The following PLD2 variants were observed in gnomAD, a reference collection of about 807,000 sequenced individuals.
PLD2 encodes choline phosphatase 2.
Under a neutral mutation model 119.8 loss-of-function variants are expected in PLD2, and 101 were observed. The observed-to-expected ratio is 0.84, with a 90% CI of 0.72 to 0.99. PLD2 has a LOEUF of 0.99. Ranked by LOEUF, PLD2 falls within the 50% of genes least tolerant of loss-of-function variation. The probability of loss-of-function intolerance (pLI) is 0.00; values close to 1 mark genes in which losing one functional copy is unlikely to be tolerated. For missense variants in PLD2, 1,164 were observed against 1,226.8 expected, an observed-to-expected ratio of 0.95 and a Z score of 0.76; for synonymous variants, 494 against 482.8, an observed-to-expected ratio of 1.02 and a Z score of -0.30.
intron 23 of PLD2, chr17:4,821,557 C>T: frequency 2.9e-6 from 1 of 346,604 alleles, no homozygotes; most frequent in Non-Finnish European, 5.4e-6. Flanking sequence ...CCGTGCCTGG[C>T]TAATTTTTGT....
In PLD2 at chr17:4,819,771, G is replaced by A. The variant is rs2150680238; in HGVS notation, c.2462+189G>A. Reference sequence around the variant, plus strand: ...CCAGCACTTTGGGAGGCCAAGGCGGGTGGATTGCCTGAGGTCAGGATTTTG... The same window carrying A: ...CCAGCACTTTGGGAGGCCAAGGCGGATGGATTGCCTGAGGTCAGGATTTTG... On this transcript the variant is annotated intron_variant, in intron 23 of 24. Transcript: ENST00000263088. The surrounding 1 kb of genome is among the most constrained non-coding windows in gnomAD (Gnocchi z 4.2). Among the ~76,000 whole-genome samples the A allele has an allele frequency of 6.6e-6, 1 of 151,966 alleles. No individual in the cohort carries two copies. Among genetic ancestry groups the A allele is most frequent in the Non-Finnish European group, 1.5e-5 (1 of 68,012 alleles).
intron 12 of PLD2, among the ~76,000 whole-genome samples, chr17:4,815,098 G>A (rs777199117): frequency 1.3e-5 from 2 of 152,110 alleles, no homozygotes; most frequent in Non-Finnish European, 2.9e-5. Context: ...GATGATGCAG[G>A]GTGGCTGGGC....
At position 4,808,082 on chromosome 17, in the gene PLD2, G is replaced by T. The variant is rs112526737; in HGVS notation, c.208G>T (p.Val70Leu). The stretch of plus-strand genomic sequence containing the variant: ...TGGGGTCCCTGTCACAGCCCAGGTG[G>T]TGGGCACCGAAAGATATACCAGCGG... The part of the protein sequence containing the change: ...APGVPVTAQV[V>L]GTERYTSGSK... Residue 70 changes from valine to leucine, a missense_variant, in exon 3 of 25, where the codon GTG (valine) becomes TTG (leucine). Coordinates refer to ENST00000263088, the MANE Select transcript of PLD2 (RefSeq NM_002663.5). The surrounding 1 kb of genome is among the most constrained non-coding windows in gnomAD (Gnocchi z 4.1). 2 of 1,611,914 alleles carry T rather than the reference G, an allele frequency of 1.2e-6. No individual in the cohort carries two copies. Among genetic ancestry groups the T allele is most frequent in the South Asian group, 2.2e-5 (2 of 91,012 alleles).
chr17:4,811,373 T>C (rs1906457996), intron 10 of PLD2, among the ~76,000 whole-genome samples: 1 of 147,512 alleles, frequency 6.8e-6, no homozygotes, highest in African/African-American at 2.5e-5. Context: ...GCCTCCCAGG[T>C]TCAAGCGATT....
At chr17:4,814,212 T>C (rs1053551351) in intron 10 of PLD2, 2 of 620,626 alleles carry the variant, frequency 3.2e-6, no homozygotes, top group Admixed American at 7.2e-5. Flanking sequence ...TTGATTAGGT[T>C]ATTGTGTCTT....
chr17:4,819,470 G>A lies in PLD2; in HGVS notation c.2350G>A (p.Asp784Asn), dbSNP rs752219225. The change falls in exon 23 of 25, where the codon GAC becomes AAC. Residue 784 changes from aspartate (D) to asparagine (N), a missense_variant. Physicochemically the swap from Asp to Asn is conservative, Grantham distance 23. Coordinates refer to ENST00000263088, the MANE Select transcript of PLD2 (RefSeq NM_002663.5). The surrounding 1 kb of genome is among the most constrained non-coding windows in gnomAD (Gnocchi z 4.2). ...INDRSLLGKR[D>N]SELAVLIEDT... ...TGACCGGAGCTTGCTGGGGAAGCGG[G>A]ACAGTGAGCTGGCCGTGCTGATCGA... The A allele has an allele frequency of 6.2e-7, 1 of 1,614,058 alleles. No individual in the cohort carries two copies. The highest frequency in any genetic ancestry group is 8.5e-7 in the Non-Finnish European group (1 of 1,179,996).
intron 24 of PLD2, 80 bp downstream of exon 24, chr17:4,821,987 C>T (rs1431105247): frequency 3.2e-5 from 27 of 856,900 alleles, no homozygotes; most frequent in Admixed American, 2.8e-4. Flanking sequence ...TGGAGAGAAG[C>T]GCCACCATAC....
Position 4,818,537 on chromosome 17 carries a change from C to A in PLD2, c.2053C>A (p.Pro685Thr). 6.2e-7 allele frequency: 1 copy of A among 1,613,998 alleles called. No homozygotes were observed. Among genetic ancestry groups the A allele is most frequent in the Non-Finnish European group, 8.5e-7 (1 of 1,179,950 alleles). Residue 685 changes from proline (P) to threonine (T), a missense_variant, in exon 20 of 25, where the codon CCT (proline) becomes ACT (threonine). By Grantham distance (38) the Pro-to-Thr change is conservative. Coordinates refer to ENST00000263088, the MANE Select transcript of PLD2 (RefSeq NM_002663.5). ...AGTCTACGTGCTTTTGCCCTTACTC[C>A]CTGGCTTCGAGGGTGACATCTCCAC... ...YRVYVLLPLL[P>T]GFEGDISTGG... is the part of the protein sequence containing the mutation.
In PLD2 at chr17:4,819,586, G is replaced by A; in HGVS notation, c.2462+4G>A. ...GTCTGCGGAAGCACTGCTTCGGGTA[G>A]AGCTGGGGCGGGATGCCACAGGGTG... On this transcript the variant is annotated splice_donor_region_variant and intron_variant, in intron 23 of 24. Coordinates refer to ENST00000263088, the MANE Select transcript of PLD2 (RefSeq NM_002663.5). This position sits in a 1 kb window ranked among gnomAD's most constrained non-coding sequence, Gnocchi z 4.2. The A allele has an allele frequency of 1.2e-6, 2 of 1,602,956 alleles. No homozygotes were observed. Among genetic ancestry groups the A allele is most frequent in the Non-Finnish European group, 1.7e-6 (2 of 1,173,382 alleles).
Position 4,807,717 on chromosome 17 carries a change from G to C in PLD2, c.-1-55G>C, listed in dbSNP as rs1597318016. The C allele has an allele frequency of 2.1e-6, 2 of 965,424 alleles. No homozygotes were observed. The highest frequency in any genetic ancestry group is 1.6e-5 in the African/African-American group (1 of 62,008). 59.8% of individuals were successfully genotyped at this position (965,424 alleles called of 1,614,324 possible). A position where few individuals can be genotyped will look rare whatever the true frequency, so the allele number is the denominator to read the frequency against. ...ATGGAGGACCTGCGGGAGTTAGGATGGGGGGCGGGTTCTGCAGGACAGCTC... is the reference window on the plus strand; with the variant it reads ...ATGGAGGACCTGCGGGAGTTAGGATCGGGGGCGGGTTCTGCAGGACAGCTC... On this transcript the variant is annotated intron_variant, in intron 1 of 24. Coordinates refer to ENST00000263088, the MANE Select transcript of PLD2 (RefSeq NM_002663.5). The surrounding 1 kb of genome is among the most constrained non-coding windows in gnomAD (Gnocchi z 5.4).
rs1342850053 is a variant in PLD2, at chr17:4,817,037, G to C, written c.1683G>C (p.Gln561His). ...GGGACCTTGCCCGGCACTTCATCCAGCGCTGGAACTTCACCAAGGTGTTCA... is the reference window on the plus strand; with the variant it reads ...GGGACCTTGCCCGGCACTTCATCCACCGCTGGAACTTCACCAAGGTGTTCA... Reference protein sequence around the residue: ...PARDLARHFIQRWNFTKTTKA... With the variant: ...PARDLARHFIHRWNFTKTTKA... Residue 561 changes from glutamine (Q) to histidine (H), a missense_variant, in exon 16 of 25, where the codon CAG becomes CAC. Gln to His is a conservative substitution (Grantham distance 24). Coordinates refer to ENST00000263088, the MANE Select transcript of PLD2 (RefSeq NM_002663.5). 1 of 1,613,788 alleles carries C rather than the reference G, an allele frequency of 6.2e-7. No homozygotes were observed. Among genetic ancestry groups the C allele is most frequent in the Non-Finnish European group, 8.5e-7 (1 of 1,179,760 alleles).
At chr17:4,814,346 C>T in intron 10 of PLD2, 72 bp from the exon 11 acceptor site, 2 of 1,549,092 alleles carry the variant, frequency 1.3e-6, no homozygotes, top group South Asian at 1.2e-5. Flanking sequence ...CCACGACTGT[C>T]CTCCGGTCTT....
intron 9 of PLD2, 122 bp from the exon 10 acceptor site, chr17:4,810,680 C>T (rs1024722751): frequency 7.7e-5 from 71 of 916,488 alleles, no homozygotes; most frequent in African/African-American, 2.7e-4. Context: ...GATACATACA[C>T]GCCCTATCCC....
In PLD2 at chr17:4,810,801, G is replaced by C. The variant is rs1416654337; in HGVS notation, c.861-1G>C. On this transcript the variant is annotated splice_acceptor_variant, in intron 9 of 24. Transcript: ENST00000263088. LOFTEE classifies it high-confidence loss of function. ...ATGGACATCTCATCGTTCCCATCCA[G>C]GTCCTTGATTCTCAAGTGCAGCAGC... 4 of 1,610,964 alleles carry C rather than the reference G, an allele frequency of 2.5e-6. No individual in the cohort carries two copies. Among genetic ancestry groups the C allele is most frequent in the Non-Finnish European group, 3.4e-6 (4 of 1,178,374 alleles).
rs1438913383 is a variant in PLD2 at position 4,818,990 on chromosome 17, CTA to C, written c.2174-92_2174-91del. On this transcript the variant is annotated intron_variant, in intron 21 of 24. Coordinates refer to ENST00000263088, the MANE Select transcript of PLD2 (RefSeq NM_002663.5). ...CAGGGAGAAGGAGAGAGACCAGACT[CTA>C]TGTAGGAAGAGTTTCTGGAGTGAGA... is the stretch of plus-strand genomic sequence containing the variant. 10 of 1,556,776 alleles carry C rather than the reference CTA, an allele frequency of 6.4e-6. No individual in the cohort carries two copies. The East Asian group carries it at 2.0e-4, about 31-fold the overall frequency.
chr17:4,810,275 T>C (rs538728908), intron 9 of PLD2, among the ~76,000 whole-genome samples: 2 of 152,310 alleles, frequency 1.3e-5, no homozygotes, highest in African/African-American at 4.8e-5. Context: ...TTCCATTTGT[T>C]CATTTGTTCA....
rs1905986264 is a variant in PLD2 at position 4,807,587 on chromosome 17, G to A, written c.-1-185G>A. The A allele has an allele frequency of 1.8e-6, 1 of 545,604 alleles. No individual in the cohort carries two copies. The highest frequency in any genetic ancestry group is 3.3e-6 in the Non-Finnish European group (1 of 301,600). 33.8% of individuals were successfully genotyped at this position (545,604 alleles called of 1,614,324 possible). On this transcript the variant is annotated intron_variant, in intron 1 of 24. Coordinates refer to ENST00000263088, the MANE Select transcript of PLD2 (RefSeq NM_002663.5). This position sits in a 1 kb window ranked among gnomAD's most constrained non-coding sequence, Gnocchi z 5.4. ...ACTGGGATTGTGGATGAAGGACTAAGGTAGGGGATGGGGGCTCGAAGGGGT... is the reference window on the plus strand; with the variant it reads ...ACTGGGATTGTGGATGAAGGACTAAAGTAGGGGATGGGGGCTCGAAGGGGT...
At chr17:4,813,465 T>C (rs1442302099) in intron 10 of PLD2, among the ~76,000 whole-genome samples, 1 of 152,258 alleles carries the variant, frequency 6.6e-6, no homozygotes, top group Non-Finnish European at 1.5e-5. Context: ...ACAAACAATG[T>C]GATGAACACA....
intron 7 of PLD2, 47 bp from the exon 8 acceptor site, chr17:4,809,644 G>A: frequency 6.2e-7 from 1 of 1,610,832 alleles, no homozygotes; most frequent in Non-Finnish European, 8.5e-7. Context: ...AGGGTGGGCT[G>A]GGGGTCTGGA....
Sources: gnomAD v4.1 joint callset for allele counts (sites outside exome capture counted in the v4.1 genomes callset) on GRCh38, gnomAD v4.1.1 for gene constraint, Gnocchi (gnomAD v3.1) non-coding constraint, MANE v1.5 for transcripts, NCBI Gene and HGNC (gene_info 2026-07-23, HGNC 2026-07-21) for gene names.